Variants in PPL observed in about 807,000 individuals in gnomAD.
The protein encoded by PPL is periplakin.
A neutral mutation model predicts 194.4 loss-of-function variants in PPL; 198 were observed. The ratio of observed to expected loss-of-function variants is 1.02; its 90% CI spans 0.91 to 1.15. The LOEUF (loss-of-function observed/expected upper bound fraction) is 1.15. Ranked by LOEUF, PPL falls within the 50% of genes most tolerant of loss-of-function variation. The pLI is 0.00. For synonymous variants in PPL, 1,220 were observed against 972.4 expected (o/e 1.25, Z -4.74); for missense variants, 2,885 against 2,294.8 (o/e 1.26, Z -5.25).
At chr16:4,907,882 G>T (rs1305656032) in intron 2 of PPL, among the ~76,000 whole-genome samples, 1 of 152,138 alleles carries the variant, frequency 6.6e-6, no homozygotes, top group Non-Finnish European at 1.5e-5. Context: ...TAGGCCGGGT[G>T]CAGTGGCTCA....
At chr16:4,926,243 T>C (rs950925908) in intron 1 of PPL, among the ~76,000 whole-genome samples, 22 of 152,332 alleles carry the variant, frequency 1.4e-4, no homozygotes, top group Admixed American at 1.4e-3. Flanking sequence ...AAGAGGTCTA[T>C]GCTTGTAACT....
chr16:4,890,286 G>C lies in PPL; in HGVS notation c.2211C>G (p.Arg737=). The C allele has an allele frequency of 6.2e-7, 1 of 1,614,168 alleles. No individual in the cohort carries two copies. Among genetic ancestry groups the C allele is most frequent in the South Asian group, 1.1e-5 (1 of 91,086 alleles). The change falls in exon 18 of 22, where the codon CGC becomes CGG. Residue 737 remains arginine, a synonymous_variant. Transcript: ENST00000345988. The part of the protein sequence containing the change: ...SAKAAYEHFH[R]GHDHVLQFLV... ...GGAACTGCAGCACGTGGTCATGGCC[G>C]CGGTGGAAGTGCTCGTAGGCTGCCT...
At chr16:4,910,609 G>A (rs1323873179) in intron 2 of PPL, among the ~76,000 whole-genome samples, 3 of 152,142 alleles carry the variant, frequency 2.0e-5, no homozygotes, top group African/African-American at 7.2e-5. Context: ...AGGGCTTCCT[G>A]ACCTTGGCAC....
At chr16:4,920,438 G>A (rs371239439) in intron 1 of PPL, among the ~76,000 whole-genome samples, 6 of 151,756 alleles carry the variant, frequency 4.0e-5, no homozygotes, top group African/African-American at 1.2e-4. Flanking sequence ...TCAGAGCAGC[G>A]TCCCTGAAAC....
intron 2 of PPL, among the ~76,000 whole-genome samples, chr16:4,904,893 T>G (rs894350681): frequency 8.5e-5 from 13 of 152,102 alleles, no homozygotes; most frequent in African/African-American, 3.1e-4. Flanking sequence ...GGGGGATATC[T>G]GGAAGGGGCC....
At chr16:4,934,751 C>A (rs1327035346) in intron 1 of PPL, among the ~76,000 whole-genome samples, 1 of 152,198 alleles carries the variant, frequency 6.6e-6, no homozygotes, top group Non-Finnish European at 1.5e-5. Context: ...CTCCACCCCC[C>A]CACCAAGACA....
intron 1 of PPL, among the ~76,000 whole-genome samples, chr16:4,935,466 AACAG>A (rs2089284561): frequency 6.6e-6 from 1 of 152,138 alleles, no homozygotes; most frequent in Non-Finnish European, 1.5e-5. Context: ...TGCCCCAGGG[AACAG>A]TGCAGGGACT....
Position 4,883,989 on chromosome 16 carries a change from T to G in PPL, c.4666A>C (p.Lys1556Gln). The G allele has an allele frequency of 6.2e-7, 1 of 1,614,048 alleles. No homozygotes were observed. Among genetic ancestry groups the G allele is most frequent in the Non-Finnish European group, 8.5e-7 (1 of 1,180,016 alleles). The change falls in exon 22 of 22, where the codon AAG (lysine) becomes CAG (glutamine). Residue 1556 changes from lysine (K) to glutamine (Q), a missense_variant. Lys to Gln is a moderately conservative substitution (Grantham distance 53, BLOSUM62 1). Coordinates refer to ENST00000345988, the MANE Select transcript of PPL (RefSeq NM_002705.5). This position sits in a 1 kb window ranked among gnomAD's most constrained non-coding sequence, Gnocchi z 4.8. ...ELEFHNSKSS[K>Q]ELDFLREENH... is the part of the protein sequence containing the mutation. ...TCTTCCCTCAGAAAGTCTAGTTCCT[T>G]GGATGACTTGGAGTTATGGAATTCC...
Position 4,915,725 on chromosome 16 carries a change from C to T in PPL, c.63-4776G>A, listed in dbSNP as rs551237182. Among the ~76,000 whole-genome samples, 37 of 152,172 alleles carry T rather than the reference C, an allele frequency of 2.4e-4. 1 individual carries two copies. The highest frequency in any genetic ancestry group is 1.2e-3 in the South Asian group (6 of 4,836). ...AATATGAGCTAATACTTACTCTCTA[C>T]GTGCCAGGCTCCTCACTGTTTCTGA... On this transcript the variant is annotated intron_variant, in intron 1 of 21. Coordinates refer to ENST00000345988, the MANE Select transcript of PPL (RefSeq NM_002705.5).
At chr16:4,895,560 C>T in intron 10 of PPL, 34 bp downstream of exon 10, 1 of 1,613,190 alleles carries the variant, frequency 6.2e-7, no homozygotes. Context: ...TCCCCCGCCC[C>T]CCGGGCCAGC....
At chr16:4,924,315 T>C (rs1463093113) in intron 1 of PPL, among the ~76,000 whole-genome samples, 1 of 152,230 alleles carries the variant, frequency 6.6e-6, no homozygotes, top group Non-Finnish European at 1.5e-5. Flanking sequence ...ACACTAAGTC[T>C]TCAAACCCTG....
chr16:4,895,559 C>T (rs2088410754), intron 10 of PPL, 35 bp downstream of exon 10: 4 of 1,613,118 alleles, frequency 2.5e-6, no homozygotes, highest in Non-Finnish European at 3.4e-6. Flanking sequence ...GTCCCCCGCC[C>T]CCCGGGCCAG....
rs575701764 is a variant in PPL at position 4,935,437 on chromosome 16, G to A, written c.62+1547C>T. On this transcript the variant is annotated intron_variant, in intron 1 of 21. Transcript: ENST00000345988. ...CAGAACGGTTCTCCACGGCTGGCAC[G>A]GAGCATCCAATTGTGCAATGCCCCA... 1.1e-3 allele frequency among the ~76,000 whole-genome samples: 165 copies of A among 152,266 alleles called. 1 individual carries two copies. Among genetic ancestry groups the A allele is most frequent in the African/African-American group, 3.8e-3 (156 of 41,564 alleles).
Position 4,903,986 on chromosome 16 carries a change from G to GCAGGGTCACGTCCCGGTGCT in PPL, c.197_216dup (p.Gln73SerfsTer5). On this transcript the variant is annotated stop_gained and frameshift_variant, in exon 3 of 22. Coordinates refer to ENST00000345988, the MANE Select transcript of PPL (RefSeq NM_002705.5). LOFTEE classifies it high-confidence loss of function. ...AGCTTCTCAGAGTCCAACACCTTCT[G>GCAGGGTCACGTCCCGGTGCT]CAGGGTCACGTCCCGGTGCTCAGGC... The GCAGGGTCACGTCCCGGTGCT allele has an allele frequency of 6.2e-7, 1 of 1,613,698 alleles. No individual in the cohort carries two copies. The highest frequency in any genetic ancestry group is 8.5e-7 in the Non-Finnish European group (1 of 1,180,030).
chr16:4,932,127 C>A (rs17631885), intron 1 of PPL, among the ~76,000 whole-genome samples: 13,777 of 152,288 alleles, frequency 0.09, 699 homozygotes, highest in Middle Eastern at 0.13. Context: ...CAGCATCAGC[C>A]ATTTGTGAGC....
intron 2 of PPL, among the ~76,000 whole-genome samples, chr16:4,907,018 G>A (rs543048745): frequency 3.3e-5 from 5 of 151,196 alleles, no homozygotes; most frequent in Non-Finnish European, 5.9e-5. Flanking sequence ...GCCCAGGCGG[G>A]AGGATTGCTT....
rs756990554 is a variant in PPL at position 4,902,461 on chromosome 16, G to T, written c.383C>A (p.Ala128Glu). 3 of 1,613,770 alleles carry T rather than the reference G, an allele frequency of 1.9e-6. No homozygotes were observed. Among genetic ancestry groups the T allele is most frequent in the African/African-American group, 1.3e-5 (1 of 74,876 alleles). The change falls in exon 4 of 22, where the codon GCG becomes GAG. Residue 128 changes from alanine to glutamate, a missense_variant. Physicochemically the swap from Ala to Glu is moderately radical, Grantham distance 107. Transcript: ENST00000345988. This position sits in a 1 kb window ranked among gnomAD's most constrained non-coding sequence, Gnocchi z 4.0. ...RGKHKQIYRL[A>E]VKEVDPQVNW... ...GACCTGTGGATCCACTTCCTTCACCGCCAGCCTGTAGATCTGCTTGTGTTT... is the reference window on the plus strand; with the variant it reads ...GACCTGTGGATCCACTTCCTTCACCTCCAGCCTGTAGATCTGCTTGTGTTT...
intron 1 of PPL, among the ~76,000 whole-genome samples, chr16:4,931,328 C>T (rs1230583073): frequency 6.6e-6 from 1 of 152,142 alleles, no homozygotes; most frequent in Admixed American, 6.5e-5. Flanking sequence ...CGCACCACTG[C>T]ACTCCAATCT....
At chr16:4,936,323 C>A (rs952151585) in intron 1 of PPL, among the ~76,000 whole-genome samples, 1 of 152,142 alleles carries the variant, frequency 6.6e-6, no homozygotes, top group African/African-American at 2.4e-5. Flanking sequence ...GGGGGTGCCT[C>A]CCCCTGTGCC....
Sources: gnomAD v4.1 joint callset for allele counts (sites outside exome capture counted in the v4.1 genomes callset) on GRCh38, gnomAD v4.1.1 for gene constraint, Gnocchi (gnomAD v3.1) non-coding constraint, MANE v1.5 for transcripts, NCBI Gene and HGNC (gene_info 2026-07-23, HGNC 2026-07-21) for gene names.